Variants in PTPRR observed in about 807,000 individuals in gnomAD.
PTPRR encodes the protein protein tyrosine phosphatase receptor type R, also known as receptor-type tyrosine-protein phosphatase R.
A neutral mutation model predicts 77.2 loss-of-function variants in PTPRR; 38 were observed. The observed-to-expected ratio is 0.49, with a 90% confidence interval of 0.38 to 0.65. The LOEUF (loss-of-function observed/expected upper bound fraction) is 0.65. Among genes scored for constraint, PTPRR ranks in the 30% least tolerant of loss-of-function variants. The probability of loss-of-function intolerance (pLI) is 0.00; values close to 1 mark genes in which losing one functional copy is unlikely to be tolerated. For missense variants in PTPRR, 744 were observed against 799.2 expected (o/e 0.93, Z 0.83); for synonymous variants, 299 against 283.1 (o/e 1.06, Z -0.57).
chr12:70,862,532 T>C (rs1390109652), intron 2 of PTPRR, among the ~76,000 whole-genome samples: 1 of 137,912 alleles, frequency 7.3e-6, no homozygotes, highest in Non-Finnish European at 1.5e-5. Context: ...TAGGTGGGAA[T>C]TGAACAATGA....
At chr12:70,826,056 A>G (rs904234050) in intron 2 of PTPRR, among the ~76,000 whole-genome samples, 2 of 152,198 alleles carry the variant, frequency 1.3e-5, no homozygotes, top group African/African-American at 4.8e-5. Flanking sequence ...CATTTTTAAT[A>G]TAAGACTTTC....
intron 6 of PTPRR, among the ~76,000 whole-genome samples, chr12:70,726,050 A>G (rs909568758): frequency 3.3e-5 from 5 of 151,988 alleles, no homozygotes; most frequent in African/African-American, 4.8e-5. Context: ...TCTTCTTTGT[A>G]TGACATTACC....
chr12:70,727,766 G>T (rs537507094), intron 6 of PTPRR, among the ~76,000 whole-genome samples: 1 of 152,154 alleles, frequency 6.6e-6, no homozygotes. Context: ...TGGCCAAAAC[G>T]TGAGAAAGAC....
intron 2 of PTPRR, among the ~76,000 whole-genome samples, chr12:70,885,879 A>G (rs1248745147): frequency 1.3e-5 from 2 of 152,250 alleles, no homozygotes; most frequent in African/African-American, 4.8e-5. Flanking sequence ...AACTTTCTAA[A>G]TATTCTACAA....
intron 2 of PTPRR, among the ~76,000 whole-genome samples, chr12:70,866,022 C>T (rs901814631): frequency 6.6e-6 from 1 of 152,010 alleles, no homozygotes; most frequent in Non-Finnish European, 1.5e-5. Flanking sequence ...ATCTCTGGGA[C>T]ACATTCAAAG....
intron 6 of PTPRR, among the ~76,000 whole-genome samples, chr12:70,710,067 G>A (rs1888768327): frequency 6.6e-6 from 1 of 151,934 alleles, no homozygotes; most frequent in Non-Finnish European, 1.5e-5. Flanking sequence ...AATTCATATG[G>A]AACCAAAAAG....
chr12:70,890,419 G>C (rs186648313), intron 2 of PTPRR, among the ~76,000 whole-genome samples: 18 of 152,258 alleles, frequency 1.2e-4, no homozygotes, highest in Admixed American at 2.6e-4. Flanking sequence ...GAATCAGGAA[G>C]GGAGGAGAGA....
intron 6 of PTPRR, among the ~76,000 whole-genome samples, chr12:70,739,580 G>A (rs987557347): frequency 6.6e-6 from 1 of 152,214 alleles, no homozygotes; most frequent in South Asian, 2.1e-4. Flanking sequence ...GAGACACAGA[G>A]TATCTTGAGC....
intron 13 of PTPRR, 122 bp from the exon 14 acceptor site, chr12:70,639,399 T>A (rs1761135033): frequency 7.2e-7 from 1 of 1,390,992 alleles, no homozygotes; most frequent in Non-Finnish European, 9.6e-7. Flanking sequence ...GACCTAGTGG[T>A]TCTTTTGTTA....
chr12:70,916,167 A>T (rs1445715076), intron 1 of PTPRR, among the ~76,000 whole-genome samples: 1 of 152,198 alleles, frequency 6.6e-6, no homozygotes, highest in Non-Finnish European at 1.5e-5. Context: ...GGAAAATGAA[A>T]TATGAAATAG....
intron 2 of PTPRR, among the ~76,000 whole-genome samples, chr12:70,853,142 T>C (rs1023819238): frequency 6.6e-6 from 1 of 152,208 alleles, no homozygotes. Flanking sequence ...ATTATAATAA[T>C]GAGGAGAATA....
intron 13 of PTPRR, among the ~76,000 whole-genome samples, chr12:70,648,349 A>G (rs1000105753): frequency 6.6e-6 from 1 of 152,186 alleles, no homozygotes; most frequent in Non-Finnish European, 1.5e-5. Flanking sequence ...AGAAAGCAAG[A>G]GCTGAGAGGG....
intron 2 of PTPRR, among the ~76,000 whole-genome samples, chr12:70,804,721 T>A (rs1891679086): frequency 6.6e-6 from 1 of 152,206 alleles, no homozygotes; most frequent in Non-Finnish European, 1.5e-5. Context: ...GTCTGTTTCC[T>A]GGTTCCTGGC....
chr12:70,804,139 CTGTG>C (rs58442488), intron 2 of PTPRR, among the ~76,000 whole-genome samples: 3,655 of 137,314 alleles, frequency 0.027, 57 homozygotes, highest in East Asian at 0.065. Flanking sequence ...GTTCCTGGCT[CTGTG>C]TGTGTGTGTG....
rs1012266114 is a variant in PTPRR, at chr12:70,662,555, C to T, written c.1548G>A (p.Glu516=). ...PEKRGIYGKV[E]VLVISVNECD... ...ATTCATTTACACTGATAACCAGAACCTCAACTTTTCCATATATCCCTCTCT... is the reference window on the plus strand; with the variant it reads ...ATTCATTTACACTGATAACCAGAACTTCAACTTTTCCATATATCCCTCTCT... The change falls in exon 11 of 14, where the codon GAG becomes GAA. Residue 516 remains glutamate (E), a synonymous_variant. Transcript: ENST00000283228. The T allele has an allele frequency of 1.2e-6, 2 of 1,612,626 alleles. No individual in the cohort carries two copies. The highest frequency in any genetic ancestry group is 1.7e-6 in the Non-Finnish European group (2 of 1,179,164).
At chr12:70,889,432 ACC>A (rs746685812) in intron 2 of PTPRR, among the ~76,000 whole-genome samples, 5 of 152,148 alleles carry the variant, frequency 3.3e-5, no homozygotes, top group Non-Finnish European at 7.3e-5. Flanking sequence ...CATGCCATAA[ACC>A]CGAGTTTAGA....
intron 2 of PTPRR, among the ~76,000 whole-genome samples, chr12:70,844,554 G>A (rs907527805): frequency 1.3e-5 from 2 of 152,140 alleles, no homozygotes; most frequent in Non-Finnish European, 2.9e-5. Flanking sequence ...TTACTCCAGG[G>A]ACTGGGAGGT....
chr12:70,770,847 C>A (rs1320887145), intron 2 of PTPRR, among the ~76,000 whole-genome samples: 1 of 151,898 alleles, frequency 6.6e-6, no homozygotes, highest in South Asian at 2.1e-4. Context: ...AGTTCATGTC[C>A]TTTGTAGGGA....
chr12:70,897,971 G>A (rs754511762), intron 1 of PTPRR, among the ~76,000 whole-genome samples: 1 of 142,566 alleles, frequency 7.0e-6, no homozygotes, highest in Non-Finnish European at 1.5e-5. Flanking sequence ...ATGGACACAG[G>A]AAGGGGAACA....
Sources: allele counts gnomAD v4.1 joint callset (sites outside exome capture counted in the v4.1 genomes callset), GRCh38; gene constraint gnomAD v4.1.1; transcripts MANE v1.5; gene names NCBI Gene and HGNC (gene_info 2026-07-23, HGNC 2026-07-21).